The following WWC2 variants were observed in gnomAD, a reference collection of about 807,000 sequenced individuals.
WWC2 encodes the protein WW and C2 domain containing 2.
In WWC2, 101 loss-of-function variants were observed where a neutral mutation model predicts 138.5. That is an observed-to-expected ratio of 0.73 (90% CI 0.62 to 0.86). WWC2 has a LOEUF of 0.86. WWC2 is among the 40% of genes least tolerant of loss of function. WWC2 has a pLI of 0.00. For missense variants in WWC2, 1,420 were observed against 1,419.4 expected, an observed-to-expected ratio of 1.00 and a Z score of -0.01; for synonymous variants, 558 against 538.4, an observed-to-expected ratio of 1.04 and a Z score of -0.50.
In WWC2 at chr4:183,319,771, C is replaced by T; in HGVS notation, c.*4042C>T. ...GGGACAAAGTCTGGGACGTTCTCAT[C>T]CCAGAACTCCTGAACCGTCTTGTGG... On this transcript the variant is annotated 3_prime_UTR_variant, in exon 23 of 23. Coordinates refer to ENST00000403733, the MANE Select transcript of WWC2 (RefSeq NM_024949.6). 1 of 1,614,056 alleles carries T rather than the reference C, an allele frequency of 6.2e-7. No homozygotes were observed. Among genetic ancestry groups the T allele is most frequent in the Non-Finnish European group, 8.5e-7 (1 of 1,179,960 alleles).
intron 8 of WWC2, among the ~76,000 whole-genome samples, chr4:183,251,418 C>T (rs969947753): frequency 2.0e-5 from 3 of 152,234 alleles, no homozygotes; most frequent in Non-Finnish European, 4.4e-5. Flanking sequence ...TGCATTCTTT[C>T]GGGCTTGACT....
intron 1 of WWC2, among the ~76,000 whole-genome samples, chr4:183,166,988 G>A (rs189793699): frequency 4.1e-4 from 62 of 152,280 alleles, no homozygotes; most frequent in Non-Finnish European, 8.1e-4. Context: ...AAGGCACCAT[G>A]TGGCTGGGCA....
At chr4:183,239,574 A>G (rs1392675733) in intron 4 of WWC2, among the ~76,000 whole-genome samples, 3 of 152,232 alleles carry the variant, frequency 2.0e-5, no homozygotes, top group East Asian at 3.8e-4. Context: ...TGCTTGGGAT[A>G]CAGCTGGTGG....
At chr4:183,216,559 A>G (rs1237195502) in intron 4 of WWC2, among the ~76,000 whole-genome samples, 1 of 152,216 alleles carries the variant, frequency 6.6e-6, no homozygotes, top group Non-Finnish European at 1.5e-5. Flanking sequence ...GAACTGGACA[A>G]AAATCTAGGA....
chr4:183,220,788 C>G (rs556397827), intron 4 of WWC2, among the ~76,000 whole-genome samples: 3 of 150,814 alleles, frequency 2.0e-5, no homozygotes, highest in Non-Finnish European at 4.4e-5. Flanking sequence ...GAGCCAACAT[C>G]GTGCCACTGC....
At chr4:183,294,317 A>G (rs182196373) in intron 21 of WWC2, among the ~76,000 whole-genome samples, 1 of 152,342 alleles carries the variant, frequency 6.6e-6, no homozygotes, top group Admixed American at 6.5e-5. Context: ...AGTTAATGAA[A>G]AAGTAAAGGT....
At chr4:183,145,056 G>C (rs917428380) in intron 1 of WWC2, among the ~76,000 whole-genome samples, 2 of 152,214 alleles carry the variant, frequency 1.3e-5, no homozygotes, top group Non-Finnish European at 2.9e-5. Flanking sequence ...ATACCCTGTA[G>C]TTAGAGAGAA....
At chr4:183,276,685 CTT>C (rs1737866486) in intron 16 of WWC2, among the ~76,000 whole-genome samples, 1 of 151,960 alleles carries the variant, frequency 6.6e-6, no homozygotes, top group South Asian at 2.1e-4. Context: ...CGTTTTTACC[CTT>C]TTGTTATATT....
intron 21 of WWC2, 112 bp from the exon 22 acceptor site, chr4:183,312,229 C>T: frequency 6.9e-7 from 1 of 1,459,820 alleles, no homozygotes; most frequent in Non-Finnish European, 9.3e-7. Context: ...CCACTGGCTG[C>T]CTTGCTTGCC....
intron 1 of WWC2, among the ~76,000 whole-genome samples, chr4:183,158,955 A>C (rs539734972): frequency 7.9e-5 from 12 of 152,292 alleles, no homozygotes; most frequent in African/African-American, 2.6e-4. Context: ...GTGGTGAGCC[A>C]GGGTGGCTGG....
chr4:183,262,165 A>AT (rs749978378), intron 11 of WWC2, among the ~76,000 whole-genome samples: 10 of 152,228 alleles, frequency 6.6e-5, no homozygotes, highest in South Asian at 2.1e-4. Flanking sequence ...GAAAAATATC[A>AT]TTTTTTTGTT....
intron 4 of WWC2, among the ~76,000 whole-genome samples, chr4:183,235,637 C>T (rs1296538253): frequency 6.6e-6 from 1 of 152,164 alleles, no homozygotes; most frequent in South Asian, 2.1e-4. Context: ...CCTCAAGGTT[C>T]ATTCATATTG....
chr4:183,302,067 ATTAT>A (rs1480791158), intron 21 of WWC2, among the ~76,000 whole-genome samples: 2 of 148,632 alleles, frequency 1.3e-5, no homozygotes, highest in Non-Finnish European at 2.9e-5. Context: ...CAGTTATTTA[ATTAT>A]TCTAATAACA....
intron 16 of WWC2, among the ~76,000 whole-genome samples, chr4:183,271,453 A>T (rs1396275993): frequency 3.9e-5 from 6 of 152,234 alleles, no homozygotes; most frequent in Non-Finnish European, 7.3e-5. Flanking sequence ...TATGGTTTAT[A>T]AAAGGAGCAC....
intron 4 of WWC2, among the ~76,000 whole-genome samples, chr4:183,224,719 C>A (rs1454258511): frequency 6.6e-6 from 1 of 152,102 alleles, no homozygotes; most frequent in Non-Finnish European, 1.5e-5. Context: ...TGCCACCACG[C>A]CTAGCTAATT....
intron 1 of WWC2, among the ~76,000 whole-genome samples, chr4:183,163,614 CT>C (rs1734025038): frequency 1.3e-5 from 2 of 152,142 alleles, no homozygotes; most frequent in African/African-American, 4.8e-5. Flanking sequence ...TAGGATACGT[CT>C]CTATTTCCTT....
At chr4:183,281,151 A>G (rs1307135296) in intron 17 of WWC2, 4 of 446,324 alleles carry the variant, frequency 9.0e-6, no homozygotes, top group African/African-American at 6.6e-5. Context: ...CTATTTTCTG[A>G]GCCTTTTTTT....
At chr4:183,270,841 A>G (rs886654514) in intron 15 of WWC2, among the ~76,000 whole-genome samples, 4 of 152,136 alleles carry the variant, frequency 2.6e-5, no homozygotes, top group African/African-American at 9.7e-5. Flanking sequence ...GTATCTCACA[A>G]ACTAATCCCA....
chr4:183,118,005 G>A (rs906211880), intron 1 of WWC2, among the ~76,000 whole-genome samples: 18 of 151,714 alleles, frequency 1.2e-4, no homozygotes, highest in South Asian at 2.1e-4. Context: ...TCGCCATGTT[G>A]GCCAGGCTGG....
Sources: gnomAD v4.1 joint callset for allele counts (sites outside exome capture counted in the v4.1 genomes callset) on GRCh38, gnomAD v4.1.1 for gene constraint, MANE v1.5 for transcripts, NCBI Gene and HGNC (gene_info 2026-07-23, HGNC 2026-07-21) for gene names.